SINHCAF: variants seen among roughly 807,000 people sequenced by gnomAD.
SINHCAF encodes the protein SIN3-HDAC complex associated factor, also known as SIN3-HDAC complex-associated factor.
A neutral mutation model predicts 25.8 loss-of-function variants in SINHCAF; 3 were observed. The observed-to-expected ratio is 0.12, with a 90% confidence interval of 0.05 to 0.30. SINHCAF has a LOEUF of 0.30. Ranked by LOEUF, SINHCAF falls within the 10% of genes least tolerant of loss-of-function variation. The pLI, the probability that SINHCAF is intolerant of heterozygous loss-of-function variation, is 1.00. For missense variants in SINHCAF, 121 were observed against 262.3 expected (o/e 0.46, Z 3.72); for synonymous variants, 70 against 85.5 (o/e 0.82, Z 1.00).
chr12:31,296,480 A>G (rs1299613545), intron 2 of SINHCAF, among the ~76,000 whole-genome samples: 7 of 151,754 alleles, frequency 4.6e-5, no homozygotes, highest in Admixed American at 2.6e-4. Flanking sequence ...TAGATATTTC[A>G]TAAGTATCAA....
At chr12:31,287,581 C>T in intron 5 of SINHCAF, 53 bp downstream of exon 5, 4 of 1,381,716 alleles carry the variant, frequency 2.9e-6, no homozygotes, top group Non-Finnish European at 3.9e-6. Flanking sequence ...TAGAAAAATA[C>T]TGCCCATAAT....
intron 1 of SINHCAF, among the ~76,000 whole-genome samples, chr12:31,314,061 A>G (rs1000480445): frequency 1.3e-5 from 2 of 152,110 alleles, no homozygotes; most frequent in Non-Finnish European, 2.9e-5. Flanking sequence ...ATTCCTGTGG[A>G]GTTCCTGTCC....
intron 5 of SINHCAF, among the ~76,000 whole-genome samples, chr12:31,283,821 T>C (rs866921339): frequency 7.3e-5 from 11 of 150,588 alleles, no homozygotes; most frequent in Admixed American, 5.4e-4. Context: ...TCACCGTATG[T>C]TGGCATCTCT....
chr12:31,324,770 A>G lies in SINHCAF; in HGVS notation c.-21+1254T>C. ...TAGGGGTCCGGACCCCGCGCCCCGAAGAGTCCGGAGCCTGGCCCCCCGACC... is the reference window on the plus strand; with the variant it reads ...TAGGGGTCCGGACCCCGCGCCCCGAGGAGTCCGGAGCCTGGCCCCCCGACC... On this transcript the variant is annotated intron_variant, in intron 1 of 5. Coordinates refer to ENST00000337682, the MANE Select transcript of SINHCAF (RefSeq NM_001135812.2). The surrounding 1 kb of genome is among the most constrained non-coding windows in gnomAD (Gnocchi z 5.5). 1 of 354,642 alleles carries G rather than the reference A, an allele frequency of 2.8e-6. No homozygotes were observed. Among genetic ancestry groups the G allele is most frequent in the South Asian group, 2.1e-5 (1 of 48,438 alleles). The allele number at this position is 354,642 out of a possible 1,614,324, so 22.0% of individuals were successfully genotyped here. A position where few individuals can be genotyped will look rare whatever the true frequency, so the allele number is the denominator to read the frequency against.
intron 1 of SINHCAF, among the ~76,000 whole-genome samples, chr12:31,319,814 T>G (rs1939630791): frequency 6.6e-6 from 1 of 152,210 alleles, no homozygotes; most frequent in Non-Finnish European, 1.5e-5. Flanking sequence ...TATGGCCAAC[T>G]GACCACCAAT....
chr12:31,299,039 T>TAAAAAA (rs61329052), intron 1 of SINHCAF, among the ~76,000 whole-genome samples: 8 of 141,748 alleles, frequency 5.6e-5, no homozygotes, highest in African/African-American at 2.1e-4. Flanking sequence ...GTCCTCCTGT[T>TAAAAAA]AAAAAAAAAA....
At chr12:31,292,750 T>C (rs1938380139) in intron 4 of SINHCAF, among the ~76,000 whole-genome samples, 1 of 152,220 alleles carries the variant, frequency 6.6e-6, no homozygotes. Flanking sequence ...ATATGTAAAG[T>C]GCTTAGTATA....
intron 5 of SINHCAF, 67 bp from the exon 6 acceptor site, chr12:31,282,938 A>C: frequency 7.9e-7 from 1 of 1,258,116 alleles, no homozygotes; most frequent in Non-Finnish European, 1.1e-6. Flanking sequence ...AAAGAAATCT[A>C]CTCACTATTA....
At chr12:31,285,639 T>C (rs1938027467) in intron 5 of SINHCAF, among the ~76,000 whole-genome samples, 1 of 152,082 alleles carries the variant, frequency 6.6e-6, no homozygotes, top group African/African-American at 2.4e-5. Flanking sequence ...GTACTTCCTC[T>C]TTGTACCTGT....
At chr12:31,312,097 G>A (rs1475541065) in intron 1 of SINHCAF, 2 of 474,694 alleles carry the variant, frequency 4.2e-6, no homozygotes, top group Admixed American at 4.9e-5. Context: ...GGTCCCAATG[G>A]TAACAACTGA....
intron 4 of SINHCAF, among the ~76,000 whole-genome samples, chr12:31,291,460 A>C (rs1355020656): frequency 6.6e-6 from 1 of 152,114 alleles, no homozygotes; most frequent in Non-Finnish European, 1.5e-5. Context: ...ACACCACAAA[A>C]TGTCTTGAAA....
At position 31,310,406 on chromosome 12, in the gene SINHCAF, AGAG is replaced by A. The variant is rs1172750931; in HGVS notation, c.-20-12185_-20-12183del. On this transcript the variant is annotated intron_variant, in intron 1 of 5. Coordinates refer to ENST00000337682, the MANE Select transcript of SINHCAF (RefSeq NM_001135812.2). ...AGAAATGAAAACCCCCTATTTCCTC[AGAG>A]GAGTCCTAGTTTTCCAGTTTATCAT... 2.0e-5 allele frequency among the ~76,000 whole-genome samples: 3 copies of A among 152,210 alleles called. No homozygotes were observed. The East Asian group carries it at 5.8e-4, about 29-fold the overall frequency.
Position 31,324,491 on chromosome 12 carries a change from G to A in SINHCAF, c.-21+1533C>T. ...CGCCGCCTCCCTACGCACCAGCATG[G>A]CACCTCGCACAAGTAGCGCCGCCAA... On this transcript the variant is annotated intron_variant, in intron 1 of 5. Transcript: ENST00000337682. The surrounding 1 kb of genome is among the most constrained non-coding windows in gnomAD (Gnocchi z 5.5). 6.0e-6 allele frequency: 1 copy of A among 166,446 alleles called. No homozygotes were observed. Among genetic ancestry groups the A allele is most frequent in the Non-Finnish European group, 1.3e-5 (1 of 77,572 alleles). The allele number at this position is 166,446 out of a possible 1,614,324, so 10.3% of individuals were successfully genotyped here.
chr12:31,321,863 A>G (rs994193393), intron 1 of SINHCAF, among the ~76,000 whole-genome samples: 1 of 152,184 alleles, frequency 6.6e-6, no homozygotes, highest in South Asian at 2.1e-4. Flanking sequence ...TTAAAAGTTT[A>G]TGCTTTCCCC....
intron 2 of SINHCAF, among the ~76,000 whole-genome samples, chr12:31,295,605 C>T (rs1938515522): frequency 6.6e-6 from 1 of 152,156 alleles, no homozygotes; most frequent in South Asian, 2.1e-4. Flanking sequence ...TGCGGTGGCT[C>T]ACGCCTGCAA....
At chr12:31,313,934 C>G (rs1015994404) in intron 1 of SINHCAF, among the ~76,000 whole-genome samples, 8 of 151,330 alleles carry the variant, frequency 5.3e-5, no homozygotes, top group Admixed American at 2.6e-4. Context: ...GGATTACAGG[C>G]GTGAGCCACC....
chr12:31,307,330 C>T (rs553255959), intron 1 of SINHCAF, among the ~76,000 whole-genome samples: 1 of 152,252 alleles, frequency 6.6e-6, no homozygotes, highest in Admixed American at 6.5e-5. Flanking sequence ...TCAAGGTGGG[C>T]AGACCGCTTG....
At chr12:31,290,840 C>T (rs1397934457) in intron 4 of SINHCAF, among the ~76,000 whole-genome samples, 1 of 152,198 alleles carries the variant, frequency 6.6e-6, no homozygotes, top group Non-Finnish European at 1.5e-5. Flanking sequence ...TTGCCTCTGC[C>T]TCCCAAGTAG....
At chr12:31,311,946 T>C in intron 1 of SINHCAF, 1 of 612,062 alleles carries the variant, frequency 1.6e-6, no homozygotes, top group Non-Finnish European at 3.0e-6. Context: ...GCCTTTTGAT[T>C]GGTCCTGGGT....
Sources: gnomAD v4.1 joint callset for allele counts (sites outside exome capture counted in the v4.1 genomes callset) on GRCh38, gnomAD v4.1.1 for gene constraint, Gnocchi (gnomAD v3.1) non-coding constraint, MANE v1.5 for transcripts, NCBI Gene and HGNC (gene_info 2026-07-23, HGNC 2026-07-21) for gene names.